The following TG variants were observed in gnomAD, a reference collection of about 807,000 sequenced individuals.
TG encodes the protein thyroid hormones.
In TG, 270 loss-of-function variants were observed where a neutral mutation model predicts 324.7. The ratio of observed to expected loss-of-function variants is 0.83; its 90% CI spans 0.75 to 0.92. The LOEUF is 0.92. TG is among the 40% of genes least tolerant of loss of function. TG has a pLI of 0.00. For missense variants in TG, 3,591 were observed against 3,456.4 expected (o/e 1.04, Z -0.98); for synonymous variants, 1,401 against 1,327.0 (o/e 1.06, Z -1.21).
At chr8:133,081,461 C>T (rs1323372322) in intron 41 of TG, among the ~76,000 whole-genome samples, 1 of 152,200 alleles carries the variant, frequency 6.6e-6, no homozygotes. Context: ...TCTGGAACAT[C>T]TCCAAAGTTG....
chr8:132,884,041 C>G lies in TG; in HGVS notation c.1075+1042C>G, dbSNP rs149917517. 8.8e-4 allele frequency among the ~76,000 whole-genome samples: 134 copies of G among 152,280 alleles called. 1 individual carries two copies. In the East Asian group the frequency reaches 0.022, roughly 25 times the overall value. ...GGCAGCATTACTGTAGTCTTTGCCT[C>G]CATTGCCACGTGGCCATCTTCCCTC... is the stretch of plus-strand genomic sequence containing the variant. On this transcript the variant is annotated intron_variant, in intron 8 of 47. Transcript: ENST00000220616.
At position 132,881,819 on chromosome 8, in the gene TG, A is replaced by G. The variant is rs559952094; in HGVS notation, c.639-44A>G. On this transcript the variant is annotated intron_variant, in intron 5 of 47. Coordinates refer to ENST00000220616, the MANE Select transcript of TG (RefSeq NM_003235.5). ...ATTTCTACAGGAAAAGCTTGTGATG[A>G]CTTGCCTTTATGAATGGTGACCGTA... 4.4e-6 allele frequency: 6 copies of G among 1,353,268 alleles called. No homozygotes were observed. In the African/African-American group the frequency reaches 5.7e-5, roughly 13 times the overall value. The allele number at this position is 1,353,268 out of a possible 1,614,324, so 83.8% of individuals were successfully genotyped here.
At chr8:133,039,093 G>A (rs773761282) in intron 41 of TG, among the ~76,000 whole-genome samples, 2 of 152,114 alleles carry the variant, frequency 1.3e-5, no homozygotes, top group African/African-American at 4.8e-5. Context: ...TGGCCAGGCT[G>A]GTCTCAAACT....
At chr8:132,968,107 A>G (rs1032867683) in intron 31 of TG, 137 bp downstream of exon 31, 7 of 1,053,176 alleles carry the variant, frequency 6.6e-6, no homozygotes, top group African/African-American at 6.4e-5. Context: ...AGATGGGAAC[A>G]TGGATCCAAA....
chr8:132,898,782 C>T lies in TG; in HGVS notation c.3218-16C>T, dbSNP rs374956792. The T allele has an allele frequency of 1.2e-5, 20 of 1,612,590 alleles. No individual in the cohort carries two copies. The highest frequency in any genetic ancestry group is 1.6e-5 in the Non-Finnish European group (19 of 1,179,116). ...TCCCACGACCAGTCCTTTACAAGCA[C>T]CTCTCTCTCCCACAGGCCCGACAAC... On this transcript the variant is annotated splice_polypyrimidine_tract_variant and intron_variant, in intron 13 of 47. Coordinates refer to ENST00000220616, the MANE Select transcript of TG (RefSeq NM_003235.5).
intron 45 of TG, among the ~76,000 whole-genome samples, chr8:133,130,894 G>A (rs187956056): frequency 6.6e-6 from 1 of 152,156 alleles, no homozygotes; most frequent in African/African-American, 2.4e-5. Flanking sequence ...CCCCAGTGGG[G>A]AGAAAGTCGG....
chr8:132,919,624 A>AT (rs1820844519), intron 21 of TG, 99 bp downstream of exon 21: 1 of 1,544,754 alleles, frequency 6.5e-7, no homozygotes, highest in Non-Finnish European at 8.8e-7. Context: ...TTTGGGACAG[A>AT]TAATTCTTTG....
rs750514091 is a variant in TG, at chr8:132,966,674, A to G, written c.5663A>G (p.Gln1888Arg). ...TTCAAGCACCTGTTTTCAGCCCAGC[A>G]GGCAAACCTATGGTGCCTTTCTCGT... ...WLFKHLFSAQ[Q>R]ANLWCLSRCV... Residue 1888 changes from glutamine to arginine, a missense_variant, in exon 30 of 48, where the codon CAG becomes CGG. By Grantham distance (43) the Gln-to-Arg change is conservative (BLOSUM62 1). Coordinates refer to ENST00000220616, the MANE Select transcript of TG (RefSeq NM_003235.5). 1 of 1,614,144 alleles carries G rather than the reference A, an allele frequency of 6.2e-7. No homozygotes were observed. The highest frequency in any genetic ancestry group is 8.5e-7 in the Non-Finnish European group (1 of 1,180,002).
chr8:132,889,442 G>A (rs1193433914), intron 10 of TG, among the ~76,000 whole-genome samples: 2 of 152,144 alleles, frequency 1.3e-5, no homozygotes, highest in African/African-American at 2.4e-5. Flanking sequence ...GCAGCAACTG[G>A]GTTTTTAAAA....
intron 35 of TG, among the ~76,000 whole-genome samples, chr8:132,991,088 T>C (rs1243239383): frequency 6.6e-6 from 1 of 151,824 alleles, no homozygotes; most frequent in Non-Finnish European, 1.5e-5. Context: ...AAAATTGTTA[T>C]GGCCTCACGC....
chr8:132,977,125 T>G (rs1350036277), intron 34 of TG, among the ~76,000 whole-genome samples: 1 of 152,214 alleles, frequency 6.6e-6, no homozygotes, highest in African/African-American at 2.4e-5. Flanking sequence ...TATACTGATG[T>G]AAAATCCCAG....
intron 11 of TG, among the ~76,000 whole-genome samples, chr8:132,897,156 C>T (rs1186158375): frequency 1.3e-5 from 2 of 152,186 alleles, no homozygotes; most frequent in Non-Finnish European, 1.5e-5. Flanking sequence ...TGTTCCAAGG[C>T]CAACCTCTCT....
At chr8:133,046,085 A>G (rs905153441) in intron 41 of TG, among the ~76,000 whole-genome samples, 1 of 152,244 alleles carries the variant, frequency 6.6e-6, no homozygotes, top group African/African-American at 2.4e-5. Context: ...TGGTAAGAGT[A>G]GAACCGCAGC....
chr8:132,899,070 G>A, intron 14 of TG, 160 bp downstream of exon 14: 1 of 710,922 alleles, frequency 1.4e-6, no homozygotes, highest in East Asian at 2.7e-5. Context: ...CTGTGACCTT[G>A]GGCTATTTAC....
intron 5 of TG, among the ~76,000 whole-genome samples, chr8:132,879,126 G>A: frequency 6.6e-6 from 1 of 152,086 alleles, no homozygotes; most frequent in Non-Finnish European, 1.5e-5. Flanking sequence ...TTATTTTGGA[G>A]AAGGAGTCCA....
At chr8:132,892,822 GGTGT>G (rs933262458) in intron 10 of TG, among the ~76,000 whole-genome samples, 8 of 150,324 alleles carry the variant, frequency 5.3e-5, no homozygotes, top group African/African-American at 1.5e-4. Flanking sequence ...TTATGTGTGT[GGTGT>G]GTGTGTATGT....
At chr8:132,917,425 G>A (rs557601866) in intron 20 of TG, among the ~76,000 whole-genome samples, 1 of 152,100 alleles carries the variant, frequency 6.6e-6, no homozygotes, top group Non-Finnish European at 1.5e-5. Context: ...TGTGCTGAGG[G>A]TGCTAAAGTG....
rs199848810 is a variant in TG, at chr8:132,884,037, G to T, written c.1075+1038G>T. Among the ~76,000 whole-genome samples, 4 of 152,246 alleles carry T rather than the reference G, an allele frequency of 2.6e-5. No homozygotes were observed. The East Asian group carries it at 7.7e-4, about 29-fold the overall frequency. ...TTAGGGCAGCATTACTGTAGTCTTT[G>T]CCTCCATTGCCACGTGGCCATCTTC... On this transcript the variant is annotated intron_variant, in intron 8 of 47. Transcript: ENST00000220616.
intron 20 of TG, among the ~76,000 whole-genome samples, chr8:132,917,544 A>G (rs1820515155): frequency 6.6e-6 from 1 of 152,046 alleles, no homozygotes; most frequent in Non-Finnish European, 1.5e-5. Flanking sequence ...GGTGTGTGGG[A>G]AACGTGACAA....
Sources: gnomAD v4.1 joint callset for allele counts (sites outside exome capture counted in the v4.1 genomes callset) on GRCh38, gnomAD v4.1.1 for gene constraint, MANE v1.5 for transcripts, NCBI Gene and HGNC (gene_info 2026-07-23, HGNC 2026-07-21) for gene names.